The following XKR6 variants were observed in gnomAD, a reference collection of about 807,000 sequenced individuals.
The protein encoded by XKR6 is XK-related protein 6.
XKR6 carries 22 observed loss-of-function variants against 56.7 expected under a neutral mutation model. That is an observed-to-expected ratio of 0.39 (90% CI 0.28 to 0.55). The LOEUF (loss-of-function observed/expected upper bound fraction) is 0.55, where lower values mean the gene tolerates loss of function less well. Ranked by LOEUF, XKR6 falls within the 20% of genes least tolerant of loss-of-function variation. The probability of loss-of-function intolerance (pLI) is 0.66; values close to 1 mark genes in which losing one functional copy is unlikely to be tolerated. For synonymous variants in XKR6, 524 were observed against 387.8 expected, an observed-to-expected ratio of 1.35 and a Z score of -4.13; for missense variants, 852 against 889.0, an observed-to-expected ratio of 0.96 and a Z score of 0.53.
At chr8:11,025,563 G>C (rs564951951) in intron 1 of XKR6, among the ~76,000 whole-genome samples, 13 of 152,280 alleles carry the variant, frequency 8.5e-5, no homozygotes, top group African/African-American at 3.1e-4. Context: ...CTAATGCCAG[G>C]CTTGGTAAGT....
At chr8:11,066,334 A>G (rs887443525) in intron 1 of XKR6, among the ~76,000 whole-genome samples, 7 of 152,102 alleles carry the variant, frequency 4.6e-5, no homozygotes, top group African/African-American at 1.7e-4. Context: ...CACCATTTCT[A>G]TTGCATCTTC....
intron 1 of XKR6, among the ~76,000 whole-genome samples, chr8:11,016,421 C>G (rs1193499173): frequency 6.6e-6 from 1 of 152,160 alleles, no homozygotes; most frequent in African/African-American, 2.4e-5. Flanking sequence ...CCGGACGCAG[C>G]GGGAGTAGCG....
chr8:10,976,329 C>T (rs1035664573), intron 1 of XKR6, among the ~76,000 whole-genome samples: 4 of 152,208 alleles, frequency 2.6e-5, no homozygotes, highest in Admixed American at 6.5e-5. Flanking sequence ...CTTCCCCTGC[C>T]ATGGGCATCT....
chr8:11,143,725 A>T (rs892266177), intron 1 of XKR6, among the ~76,000 whole-genome samples: 5 of 152,182 alleles, frequency 3.3e-5, no homozygotes, highest in Non-Finnish European at 7.3e-5. Context: ...GGAGTTTCTA[A>T]TTTCCTGCTG....
At chr8:11,186,613 C>A (rs1440488576) in intron 1 of XKR6, among the ~76,000 whole-genome samples, 2 of 152,182 alleles carry the variant, frequency 1.3e-5, no homozygotes, top group Non-Finnish European at 2.9e-5. Flanking sequence ...CTCCTGGACT[C>A]AAGTGATCTT....
intron 1 of XKR6, among the ~76,000 whole-genome samples, chr8:11,018,586 G>A (rs558043247): frequency 1.3e-5 from 2 of 152,306 alleles, no homozygotes; most frequent in South Asian, 4.1e-4. Context: ...AGAAACTACA[G>A]GTAATACCAA....
intron 1 of XKR6, among the ~76,000 whole-genome samples, chr8:11,041,455 C>A (rs574147924): frequency 1.3e-5 from 2 of 151,956 alleles, no homozygotes; most frequent in African/African-American, 4.8e-5. Context: ...ACTCGGGAGG[C>A]TGAGGCAGGA....
intron 1 of XKR6, chr8:11,137,496 G>A: frequency 2.2e-6 from 1 of 453,606 alleles, no homozygotes; most frequent in South Asian, 1.6e-5. Flanking sequence ...TAGAATCTCT[G>A]CTACACTAAC....
chr8:10,979,959 G>A (rs1351331460), intron 1 of XKR6, among the ~76,000 whole-genome samples: 4 of 152,192 alleles, frequency 2.6e-5, no homozygotes, highest in African/African-American at 4.8e-5. Flanking sequence ...AGGTTTCTTC[G>A]GGTTCACACA....
intron 1 of XKR6, among the ~76,000 whole-genome samples, chr8:11,173,721 G>A (rs1391084964): frequency 6.6e-6 from 1 of 152,070 alleles, no homozygotes; most frequent in Non-Finnish European, 1.5e-5. Flanking sequence ...AGCCTTTTTG[G>A]CCAGTGGTCC....
In XKR6 at chr8:11,181,922, A is replaced by G. The variant is rs553646332; in HGVS notation, c.764+18654T>C. On this transcript the variant is annotated intron_variant, in intron 1 of 2. Coordinates refer to ENST00000416569, the MANE Select transcript of XKR6 (RefSeq NM_173683.4). ...GGTTGGAGTGCAGTGGCGAGATCTCAGCTCCCTGAAACCTCCGCCTTCCAG... is the reference window on the plus strand; with the variant it reads ...GGTTGGAGTGCAGTGGCGAGATCTCGGCTCCCTGAAACCTCCGCCTTCCAG... 2.1e-4 allele frequency among the ~76,000 whole-genome samples: 32 copies of G among 151,588 alleles called. 1 individual carries two copies. The South Asian group carries it at 6.5e-3, about 31-fold the overall frequency.
At position 10,898,778 on chromosome 8, in the gene XKR6, G is replaced by A; in HGVS notation, c.1100C>T (p.Thr367Ile). 1 of 1,614,166 alleles carries A rather than the reference G, an allele frequency of 6.2e-7. No individual in the cohort carries two copies. Among genetic ancestry groups the A allele is most frequent in the Non-Finnish European group, 8.5e-7 (1 of 1,180,030 alleles). ...AIIQVFWRLF[T>I]ISSRVISFAL... ...AAAAGAGATCACTCGGGATGAGATG[G>A]TGAAGAGGCGCCAGAAGACCTGGAT... The change falls in exon 3 of 3, where the codon ACC becomes ATC. Residue 367 changes from threonine to isoleucine, a missense_variant. Physicochemically the swap from Thr to Ile is moderately conservative, Grantham distance 89. This residue lies in a region of XKR6 where 199 missense variants were observed against 280.4 expected (regional missense o/e 0.71). Coordinates refer to ENST00000416569, the MANE Select transcript of XKR6 (RefSeq NM_173683.4). This position sits in a 1 kb window ranked among gnomAD's most constrained non-coding sequence, Gnocchi z 6.6.
intron 1 of XKR6, among the ~76,000 whole-genome samples, chr8:10,925,085 G>T (rs1345126443): frequency 2.0e-5 from 3 of 152,152 alleles, no homozygotes; most frequent in African/African-American, 7.2e-5. Flanking sequence ...CCTCCTCCTG[G>T]TCTCCCATTT....
At chr8:10,908,378 C>CAGAT (rs141999416) in intron 2 of XKR6, among the ~76,000 whole-genome samples, 2 of 149,446 alleles carry the variant, frequency 1.3e-5, no homozygotes, top group Non-Finnish European at 3.0e-5. Flanking sequence ...CTGCCATAAA[C>CAGAT]ATATATATAT....
At chr8:10,985,196 T>C (rs904979928) in intron 1 of XKR6, among the ~76,000 whole-genome samples, 1 of 152,112 alleles carries the variant, frequency 6.6e-6, no homozygotes, top group Non-Finnish European at 1.5e-5. Flanking sequence ...CTCCCATAAT[T>C]CCCACATGTC....
intron 1 of XKR6, among the ~76,000 whole-genome samples, chr8:10,942,420 G>C (rs768360296): frequency 2.0e-5 from 3 of 152,224 alleles, no homozygotes; most frequent in Non-Finnish European, 4.4e-5. Flanking sequence ...AGCCTGGATT[G>C]CTGTGGGCGA....
At chr8:11,063,654 G>C (rs6993779) in intron 1 of XKR6, among the ~76,000 whole-genome samples, 6 of 152,180 alleles carry the variant, frequency 3.9e-5, no homozygotes, top group African/African-American at 1.4e-4. Flanking sequence ...GGGTAGGGGA[G>C]GTACCAGTAA....
In XKR6 at chr8:10,912,462, TATATAGAGAG is replaced by T. The variant is rs1243034195; in HGVS notation, c.961+12162_961+12171del. Among the ~76,000 whole-genome samples the T allele has an allele frequency of 8.4e-5, 10 of 118,824 alleles. No individual in the cohort carries two copies. In the South Asian group the frequency reaches 1.6e-3, roughly 19 times the overall value. 78.0% of individuals were successfully genotyped at this position (118,824 alleles called of 152,430 possible). A position where few individuals can be genotyped will look rare whatever the true frequency, so the allele number is the denominator to read the frequency against. The stretch of plus-strand genomic sequence containing the variant: ...ATAGGTGAGTGTATATATATATATA[TATATAGAGAG>T]AGAGAGAGAGAGAGAGACAGGGTGT... On this transcript the variant is annotated intron_variant, in intron 2 of 2. Transcript: ENST00000416569.
At position 10,896,976 on chromosome 8, in the gene XKR6, C is replaced by T. The variant is rs1469963952; in HGVS notation, c.*976G>A. Reference sequence around the variant, plus strand: ...TAAACTGATGTCGTTCTTTTTGCTACTATGCTGAGTTTTATTATTACTGAC... The same window carrying T: ...TAAACTGATGTCGTTCTTTTTGCTATTATGCTGAGTTTTATTATTACTGAC... On this transcript the variant is annotated 3_prime_UTR_variant, in exon 3 of 3. Coordinates refer to ENST00000416569, the MANE Select transcript of XKR6 (RefSeq NM_173683.4). The T allele has an allele frequency of 6.6e-6, 1 of 152,570 alleles. No individual in the cohort carries two copies. The allele number at this position is 152,570 out of a possible 1,614,324, so 9.5% of individuals were successfully genotyped here. A position where few individuals can be genotyped will look rare whatever the true frequency, so the allele number is the denominator to read the frequency against.
Sources: gnomAD v4.1 joint callset for allele counts (sites outside exome capture counted in the v4.1 genomes callset) on GRCh38, gnomAD v4.1.1 for gene constraint, gnomAD v4.1.1 regional missense constraint, Gnocchi (gnomAD v3.1) non-coding constraint, MANE v1.5 for transcripts, NCBI Gene and HGNC (gene_info 2026-07-23, HGNC 2026-07-21) for gene names.